The following GALNT18 variants were observed in gnomAD, a reference collection of about 807,000 sequenced individuals.
GALNT18 encodes the protein GalNAc-transferase 18.
A neutral mutation model predicts 69.5 loss-of-function variants in GALNT18; 44 were observed. The ratio of observed to expected loss-of-function variants is 0.63; its 90% CI spans 0.50 to 0.81. GALNT18 has a LOEUF of 0.81. GALNT18 is among the 40% of genes least tolerant of loss of function. GALNT18 has a pLI of 0.00. For missense variants in GALNT18, 715 were observed against 810.0 expected, an observed-to-expected ratio of 0.88 and a Z score of 1.42; for synonymous variants, 364 against 318.2, an observed-to-expected ratio of 1.14 and a Z score of -1.53.
At chr11:11,272,853 C>T (rs372469183) in intron 10 of GALNT18, among the ~76,000 whole-genome samples, 1 of 152,114 alleles carries the variant, frequency 6.6e-6, no homozygotes, top group East Asian at 1.9e-4. Context: ...TGGCAAACTT[C>T]TTGAAGGATG....
intron 1 of GALNT18, among the ~76,000 whole-genome samples, chr11:11,510,813 C>T (rs751220576): frequency 1.4e-4 from 21 of 152,182 alleles, no homozygotes; most frequent in Non-Finnish European, 4.4e-5. Context: ...CACATTGCAA[C>T]ATCATTTCAA....
intron 6 of GALNT18, among the ~76,000 whole-genome samples, chr11:11,369,361 G>A (rs1850843926): frequency 1.3e-5 from 2 of 152,180 alleles, no homozygotes; most frequent in African/African-American, 4.8e-5. Context: ...GATAGCCCCA[G>A]GTGTTCCTGA....
At position 11,436,640 on chromosome 11, in the gene GALNT18, G is replaced by A. The variant is rs376348695; in HGVS notation, c.429-3853C>T. Among the ~76,000 whole-genome samples, 5 of 152,160 alleles carry A rather than the reference G, an allele frequency of 3.3e-5. No individual in the cohort carries two copies. Among genetic ancestry groups the A allele is most frequent in the African/African-American group, 1.2e-4 (5 of 41,440 alleles). On this transcript the variant is annotated intron_variant, in intron 2 of 10. Transcript: ENST00000227756. The surrounding 1 kb of genome is among the most constrained non-coding windows in gnomAD (Gnocchi z 4.5). ...ACACGTTCATGCCACATCATGACAC[G>A]GTCTGTAGTTCGTATCTTCACCTCA...
chr11:11,515,507 C>A (rs1034831561), intron 1 of GALNT18, among the ~76,000 whole-genome samples: 1 of 152,204 alleles, frequency 6.6e-6, no homozygotes, highest in Non-Finnish European at 1.5e-5. Context: ...AAACTACATA[C>A]CCCCTGCCCT....
intron 10 of GALNT18, among the ~76,000 whole-genome samples, chr11:11,279,872 G>A (rs1297871340): frequency 6.6e-6 from 1 of 151,748 alleles, no homozygotes; most frequent in African/African-American, 2.4e-5. Flanking sequence ...TTTTATACAT[G>A]TTTCTGTATG....
At chr11:11,525,759 C>A (rs999351289) in intron 1 of GALNT18, among the ~76,000 whole-genome samples, 2 of 151,630 alleles carry the variant, frequency 1.3e-5, no homozygotes, top group African/African-American at 2.4e-5. Context: ...CTCAGCCTCC[C>A]GAGTAGCTGG....
At chr11:11,429,281 G>A (rs777915147) in intron 3 of GALNT18, among the ~76,000 whole-genome samples, 17 of 151,902 alleles carry the variant, frequency 1.1e-4, no homozygotes, top group Non-Finnish European at 1.9e-4. Flanking sequence ...AGATTCTCCC[G>A]AGCATTCCTC....
At position 11,318,932 on chromosome 11, in the gene GALNT18, A is replaced by G. The variant is rs1243623889; in HGVS notation, c.1512+8154T>C. Among the ~76,000 whole-genome samples the G allele has an allele frequency of 1.3e-5, 2 of 152,232 alleles. No homozygotes were observed. The highest frequency in any genetic ancestry group is 4.1e-4 in the South Asian group (2 of 4,832). Reference sequence around the variant, plus strand: ...ACTATGAAGTTGTATGCTAACTCCTAGATTTCTGTCTGTGTAGAAAAGATC... The same window carrying G: ...ACTATGAAGTTGTATGCTAACTCCTGGATTTCTGTCTGTGTAGAAAAGATC... On this transcript the variant is annotated intron_variant, in intron 9 of 10. Transcript: ENST00000227756. This position sits in a 1 kb window ranked among gnomAD's most constrained non-coding sequence, Gnocchi z 5.1.
In GALNT18 at chr11:11,562,380, G is replaced by T. The variant is rs1858533026; in HGVS notation, c.235+58979C>A. Among the ~76,000 whole-genome samples the T allele has an allele frequency of 8.5e-5, 13 of 152,084 alleles. No individual in the cohort carries two copies. Reference sequence around the variant, plus strand: ...ATATTGGATTGGGGCCCACCCCAATGACCTCATTTTCACTTGATTTGTTCT... The same window carrying T: ...ATATTGGATTGGGGCCCACCCCAATTACCTCATTTTCACTTGATTTGTTCT... On this transcript the variant is annotated intron_variant, in intron 1 of 10. Transcript: ENST00000227756. This position sits in a 1 kb window ranked among gnomAD's most constrained non-coding sequence, Gnocchi z 4.1.
At chr11:11,319,332 G>A (rs1849805724) in intron 9 of GALNT18, among the ~76,000 whole-genome samples, 4 of 152,216 alleles carry the variant, frequency 2.6e-5, no homozygotes, top group Admixed American at 2.6e-4. Context: ...TGGCTGTGGT[G>A]AAGATTTGAA....
chr11:11,393,014 G>T (rs1854231491), intron 3 of GALNT18, among the ~76,000 whole-genome samples: 2 of 152,124 alleles, frequency 1.3e-5, no homozygotes, highest in Non-Finnish European at 2.9e-5. Context: ...CTCCTGGAGG[G>T]GGTCACTGAA....
At chr11:11,418,028 G>A (rs1358288550) in intron 3 of GALNT18, among the ~76,000 whole-genome samples, 1 of 152,218 alleles carries the variant, frequency 6.6e-6, no homozygotes, top group Non-Finnish European at 1.5e-5. Context: ...TACCTGCGAG[G>A]AAGACATGTA....
At chr11:11,355,801 C>A (rs559886363) in intron 6 of GALNT18, among the ~76,000 whole-genome samples, 1 of 152,262 alleles carries the variant, frequency 6.6e-6, no homozygotes, top group African/African-American at 2.4e-5. Context: ...TAAAACAGAG[C>A]ACCCCACCAT....
chr11:11,568,298 A>C (rs902055437), intron 1 of GALNT18, among the ~76,000 whole-genome samples: 8 of 152,098 alleles, frequency 5.3e-5, no homozygotes, highest in Admixed American at 2.0e-4. Flanking sequence ...TTACCCTTCA[A>C]TACAGGAGTA....
chr11:11,560,648 T>A (rs375031551), intron 1 of GALNT18, among the ~76,000 whole-genome samples: 39 of 152,086 alleles, frequency 2.6e-4, no homozygotes, highest in East Asian at 1.5e-3. Flanking sequence ...ATGGCAGGTG[T>A]GGTTGTGCAG....
At chr11:11,492,115 C>T (rs1056157004) in intron 1 of GALNT18, among the ~76,000 whole-genome samples, 6 of 152,148 alleles carry the variant, frequency 3.9e-5, no homozygotes, top group African/African-American at 4.8e-5. Context: ...AAACTTTCTT[C>T]GGGGCAGGGG....
At chr11:11,519,921 G>C (rs1252976252) in intron 1 of GALNT18, among the ~76,000 whole-genome samples, 1 of 152,218 alleles carries the variant, frequency 6.6e-6, no homozygotes, top group East Asian at 1.9e-4. Context: ...CCCAGTGCCT[G>C]ACAGAGGTGG....
rs1305951102 is a variant in GALNT18, at chr11:11,542,554, A to T, written c.235+78805T>A. On this transcript the variant is annotated intron_variant, in intron 1 of 10. Transcript: ENST00000227756. This position sits in a 1 kb window ranked among gnomAD's most constrained non-coding sequence, Gnocchi z 4.3. The stretch of plus-strand genomic sequence containing the variant: ...CTACCATGTCCTTGTTCCGGAAAAC[A>T]GTCATGCCAAGCTCAAAGAAGAAGG... Among the ~76,000 whole-genome samples, 1 of 152,244 alleles carries T rather than the reference A, an allele frequency of 6.6e-6. No homozygotes were observed. The highest frequency in any genetic ancestry group is 1.9e-4 in the East Asian group (1 of 5,202).
chr11:11,339,835 C>T lies in GALNT18; in HGVS notation c.1278+984G>A, dbSNP rs1219787287. 6.6e-6 allele frequency among the ~76,000 whole-genome samples: 1 copy of T among 152,180 alleles called. No homozygotes were observed. The highest frequency in any genetic ancestry group is 2.4e-5 in the African/African-American group (1 of 41,436). On this transcript the variant is annotated intron_variant, in intron 7 of 10. Transcript: ENST00000227756. The surrounding 1 kb of genome is among the most constrained non-coding windows in gnomAD (Gnocchi z 5.2). ...TCCCACCCATGAACCAGTCAACTTC[C>T]TCAATCATTTAACCAGAGCAACATT...
Sources: gnomAD v4.1 joint callset for allele counts (sites outside exome capture counted in the v4.1 genomes callset) on GRCh38, gnomAD v4.1.1 for gene constraint, Gnocchi (gnomAD v3.1) non-coding constraint, MANE v1.5 for transcripts, NCBI Gene and HGNC (gene_info 2026-07-23, HGNC 2026-07-21) for gene names.